Variants in CTNNA2 observed in about 807,000 individuals in gnomAD.
CTNNA2 encodes catenin alpha 2.
Under a neutral mutation model 101.0 loss-of-function variants are expected in CTNNA2, and 42 were observed. The observed-to-expected ratio is 0.42, with a 90% confidence interval of 0.32 to 0.54. The LOEUF is 0.54. Ranked by LOEUF, CTNNA2 falls within the 20% of genes least tolerant of loss-of-function variation. The pLI is 0.14. For synonymous variants in CTNNA2, 450 were observed against 456.4 expected (o/e 0.99, Z 0.18); for missense variants, 871 against 1,223.1 (o/e 0.71, Z 4.29).
At chr2:80,023,883 C>G (rs890229405) in intron 7 of CTNNA2, among the ~76,000 whole-genome samples, 6 of 151,298 alleles carry the variant, frequency 4.0e-5, no homozygotes, top group Non-Finnish European at 1.5e-5. Context: ...GTCAGGAGAT[C>G]GAGACCATCC....
intron 4 of CTNNA2, among the ~76,000 whole-genome samples, chr2:79,461,354 C>T (rs1670875663): frequency 6.6e-6 from 1 of 152,152 alleles, no homozygotes; most frequent in African/African-American, 2.4e-5. Context: ...TTGCTCTTCA[C>T]TTGGATACTT....
chr2:79,437,262 T>G (rs1678727046), intron 4 of CTNNA2, among the ~76,000 whole-genome samples: 1 of 151,602 alleles, frequency 6.6e-6, no homozygotes, highest in African/African-American at 2.4e-5. Context: ...GATATATATA[T>G]GTAGATAGAT....
At chr2:79,569,172 T>C (rs1383819165) in intron 1 of CTNNA2, among the ~76,000 whole-genome samples, 2 of 152,212 alleles carry the variant, frequency 1.3e-5, no homozygotes, top group Non-Finnish European at 2.9e-5. Context: ...ATTGCTTCTT[T>C]CACCAGCCAG....
chr2:79,621,970 T>C (rs1341248427), intron 1 of CTNNA2, among the ~76,000 whole-genome samples: 1 of 152,184 alleles, frequency 6.6e-6, no homozygotes, highest in Non-Finnish European at 1.5e-5. Context: ...AAAAATAAAG[T>C]CTGAGAAACT....
chr2:80,179,235 T>C (rs1320429797), intron 7 of CTNNA2, among the ~76,000 whole-genome samples: 1 of 152,242 alleles, frequency 6.6e-6, no homozygotes, highest in East Asian at 1.9e-4. Context: ...GCAGATGCAG[T>C]TGGAGTCACC....
chr2:80,430,922 G>A (rs1681438371), intron 9 of CTNNA2, among the ~76,000 whole-genome samples: 1 of 151,992 alleles, frequency 6.6e-6, no homozygotes, highest in South Asian at 2.1e-4. Context: ...ATATTATGCA[G>A]CTACCTCAGA....
intron 8 of CTNNA2, among the ~76,000 whole-genome samples, chr2:80,401,642 C>A (rs1280990259): frequency 6.6e-6 from 1 of 152,132 alleles, no homozygotes; most frequent in East Asian, 1.9e-4. Flanking sequence ...AACTTTCAGA[C>A]CTCATCCCAG....
At chr2:80,266,412 G>A (rs1673005600) in intron 7 of CTNNA2, among the ~76,000 whole-genome samples, 1 of 152,186 alleles carries the variant, frequency 6.6e-6, no homozygotes, top group African/African-American at 2.4e-5. Flanking sequence ...GTGTGTGGGG[G>A]CTCCCTTCAG....
At chr2:79,636,704 G>A (rs1680094432) in intron 1 of CTNNA2, among the ~76,000 whole-genome samples, 1 of 151,952 alleles carries the variant, frequency 6.6e-6, no homozygotes, top group Non-Finnish European at 1.5e-5. Flanking sequence ...ATATAATTTT[G>A]AATAATTTTG....
chr2:79,481,711 T>C (rs763900523), intron 4 of CTNNA2, among the ~76,000 whole-genome samples: 1 of 152,170 alleles, frequency 6.6e-6, no homozygotes. Flanking sequence ...ACTCATCAAG[T>C]TGTATATATT....
chr2:80,127,063 A>T (rs567197398), intron 7 of CTNNA2, among the ~76,000 whole-genome samples: 1 of 152,274 alleles, frequency 6.6e-6, no homozygotes, highest in African/African-American at 2.4e-5. Flanking sequence ...ATTTTTGGAG[A>T]AAACTGAAAT....
At chr2:80,162,852 T>G in intron 7 of CTNNA2, 1 of 1,595,790 alleles carries the variant, frequency 6.3e-7, no homozygotes, top group Non-Finnish European at 8.6e-7. Context: ...GAAAGATCTC[T>G]GAATTATCTG....
At chr2:79,535,065 C>T (rs1002461746) in intron 1 of CTNNA2, among the ~76,000 whole-genome samples, 3 of 151,802 alleles carry the variant, frequency 2.0e-5, no homozygotes, top group Admixed American at 6.6e-5. Context: ...CTTTAAAAGG[C>T]GGTGAAATAA....
chr2:79,223,067 A>G (rs560508473), intron 2 of CTNNA2, among the ~76,000 whole-genome samples: 14 of 152,286 alleles, frequency 9.2e-5, no homozygotes, highest in Non-Finnish European at 1.6e-4. Flanking sequence ...GTCTGAGGCA[A>G]GAGAACTGCT....
In CTNNA2 at chr2:80,578,472, C is replaced by T. The variant is rs187174060; in HGVS notation, c.1894-3234C>T. ...CATGTTTCCTTTAATTCATGGAGGTCTTTGACCAACTAAAAAATAGCACTC... is the reference window on the plus strand; with the variant it reads ...CATGTTTCCTTTAATTCATGGAGGTTTTTGACCAACTAAAAAATAGCACTC... On this transcript the variant is annotated intron_variant, in intron 13 of 18. Coordinates refer to ENST00000402739, the MANE Select transcript of CTNNA2 (RefSeq NM_001282597.3). Among the ~76,000 whole-genome samples the T allele has an allele frequency of 3.3e-5, 5 of 152,218 alleles. No homozygotes were observed. The East Asian group carries it at 7.7e-4, about 23-fold the overall frequency.
intron 11 of CTNNA2, among the ~76,000 whole-genome samples, chr2:80,551,043 A>C (rs1329359797): frequency 6.6e-6 from 1 of 152,214 alleles, no homozygotes. Flanking sequence ...TCCTTGATAC[A>C]TCTGCTGCAG....
At chr2:80,259,551 C>T (rs1672435902) in intron 7 of CTNNA2, among the ~76,000 whole-genome samples, 1 of 152,130 alleles carries the variant, frequency 6.6e-6, no homozygotes. Context: ...TCCTAAGTGG[C>T]CTGTTCTGAA....
intron 17 of CTNNA2, among the ~76,000 whole-genome samples, chr2:80,611,803 G>T (rs1021820648): frequency 7.9e-5 from 12 of 151,306 alleles, no homozygotes; most frequent in African/African-American, 2.7e-4. Context: ...TACCTAAACT[G>T]TTTTTTTAAA....
At chr2:80,108,787 C>T (rs1017333193) in intron 7 of CTNNA2, among the ~76,000 whole-genome samples, 4 of 152,202 alleles carry the variant, frequency 2.6e-5, no homozygotes, top group Non-Finnish European at 5.9e-5. Context: ...TCAAACCCTA[C>T]ACTTGTCTAC....
Sources: gnomAD v4.1 joint callset for allele counts (sites outside exome capture counted in the v4.1 genomes callset) on GRCh38, gnomAD v4.1.1 for gene constraint, MANE v1.5 for transcripts, NCBI Gene and HGNC (gene_info 2026-07-23, HGNC 2026-07-21) for gene names.